TMEM38B: variants seen among roughly 807,000 people sequenced by gnomAD.
The protein encoded by TMEM38B is transmembrane protein 38B.
In TMEM38B, 24 loss-of-function variants were observed where a neutral mutation model predicts 28.7. The observed-to-expected ratio is 0.84, with a 90% CI of 0.61 to 1.18. The LOEUF (loss-of-function observed/expected upper bound fraction) is 1.18. Ranked by LOEUF, TMEM38B falls within the 50% of genes most tolerant of loss-of-function variation. The probability of loss-of-function intolerance (pLI) is 0.00; values close to 1 mark genes in which losing one functional copy is unlikely to be tolerated. For synonymous variants in TMEM38B, 131 were observed against 127.7 expected (o/e 1.03, Z -0.17); for missense variants, 380 against 350.9 (o/e 1.08, Z -0.66).
At chr9:105,765,149 A>G (rs1361560899) in intron 5 of TMEM38B, among the ~76,000 whole-genome samples, 1 of 152,216 alleles carries the variant, frequency 6.6e-6, no homozygotes, top group Non-Finnish European at 1.5e-5. Flanking sequence ...AGGCATTTGT[A>G]TGCTGAAACT....
chr9:105,757,594 T>C (rs528239878), intron 5 of TMEM38B, among the ~76,000 whole-genome samples: 4 of 152,164 alleles, frequency 2.6e-5, no homozygotes, highest in Non-Finnish European at 5.9e-5. Flanking sequence ...AAATAAAAAT[T>C]ATTTGAAAAA....
At chr9:105,699,649 ACTC>A (rs1381602973) in intron 1 of TMEM38B, among the ~76,000 whole-genome samples, 3 of 152,186 alleles carry the variant, frequency 2.0e-5, no homozygotes, top group Admixed American at 6.5e-5. Flanking sequence ...GAAAGATAAT[ACTC>A]CTCCAGCCTT....
At chr9:105,760,816 G>A (rs1838015655) in intron 5 of TMEM38B, 3 of 733,184 alleles carry the variant, frequency 4.1e-6, no homozygotes, top group Non-Finnish European at 6.6e-6. Context: ...ATCTGAGAAT[G>A]TAGCTAATCA....
chr9:105,759,250 T>C (rs1244333057), intron 5 of TMEM38B: 2 of 718,806 alleles, frequency 2.8e-6, no homozygotes, highest in African/African-American at 3.5e-5. Flanking sequence ...TGTGGCTATG[T>C]CATAGTTTCA....
At chr9:105,719,518 ATGTTT>A (rs1836244525) in intron 2 of TMEM38B, among the ~76,000 whole-genome samples, 1 of 152,152 alleles carries the variant, frequency 6.6e-6, no homozygotes, top group African/African-American at 2.4e-5. Flanking sequence ...TTGGTCTGAT[ATGTTT>A]ACTTGTAAGT....
intron 4 of TMEM38B, among the ~76,000 whole-genome samples, chr9:105,745,964 T>C (rs1247236394): frequency 6.6e-6 from 1 of 152,204 alleles, no homozygotes; most frequent in East Asian, 1.9e-4. Flanking sequence ...ACCAGTACCA[T>C]GCTGTTTTGG....
Position 105,721,639 on chromosome 9 carries a change from G to A in TMEM38B, c.372G>A (p.Trp124Ter). 6.2e-7 allele frequency: 1 copy of A among 1,613,656 alleles called. No homozygotes were observed. Among genetic ancestry groups the A allele is most frequent in the Non-Finnish European group, 8.5e-7 (1 of 1,179,712 alleles). ...ASGMKEVTRT[W>*]KIVGGVTHAN... ...GAATGAAGGAAGTGACCAGAACTTG[G>A]AAAATAGTAGGTGGAGTCACACATG... The change falls in exon 3 of 6, where the codon TGG becomes TGA. Residue 124 changes from tryptophan to a stop codon, truncating the protein, a stop_gained. Transcript: ENST00000374692. LOFTEE classifies it high-confidence loss of function.
rs532293132 is a variant in TMEM38B at position 105,746,689 on chromosome 9, A to G, written c.543-1384A>G. Among the ~76,000 whole-genome samples the G allele has an allele frequency of 1.1e-4, 16 of 152,282 alleles. No homozygotes were observed. The East Asian group carries it at 2.7e-3, about 26-fold the overall frequency. On this transcript the variant is annotated intron_variant, in intron 4 of 5. Transcript: ENST00000374692. ...CAGGGAATGCTTCCAGTTTTTGCCC[A>G]TTCAGTATGATATTGGCTGTGGGTT...
At chr9:105,710,187 C>T (rs1314004795) in intron 2 of TMEM38B, 1 of 436,654 alleles carries the variant, frequency 2.3e-6, no homozygotes, top group South Asian at 2.8e-5. Flanking sequence ...TCCACACACC[C>T]CTTTGTCACT....
rs191470183 is a variant in TMEM38B, at chr9:105,758,443, A to G, written c.660+10253A>G. The G allele has an allele frequency of 2.8e-3, 3,919 of 1,385,264 alleles. 79 individuals are homozygous for G. The highest frequency in any genetic ancestry group is 7.3e-4 in the Non-Finnish European group (712 of 971,690). The allele number at this position is 1,385,264 out of a possible 1,614,324, so 85.8% of individuals were successfully genotyped here. ...AAACACAGACAACACTTTAAAAAAT[A>G]TGGCAGTTGTTTCACAGCAGGAGAA... On this transcript the variant is annotated intron_variant, in intron 5 of 5. Coordinates refer to ENST00000374692, the MANE Select transcript of TMEM38B (RefSeq NM_018112.3).
chr9:105,705,777 A>T lies in TMEM38B; in HGVS notation c.269+24A>T, dbSNP rs760165353. 1.6e-5 allele frequency: 26 copies of T among 1,596,312 alleles called. No individual in the cohort carries two copies. The African/African-American group carries it at 2.8e-4, about 17-fold the overall frequency. On this transcript the variant is annotated intron_variant, in intron 2 of 5. Transcript: ENST00000374692. ...TGGTAAGCTGCCAGTATGGTGACCT[A>T]TGTGACATTTAAACAATTGTGTTGT...
chr9:105,774,283 A>T lies in TMEM38B; in HGVS notation c.*203A>T, dbSNP rs75968754. ...AGTGTTACGAGTGTATCATGTGATT[A>T]TGCTTTACCGGTATAAGAGATTCTG... On this transcript the variant is annotated 3_prime_UTR_variant, in exon 6 of 6. Coordinates refer to ENST00000374692, the MANE Select transcript of TMEM38B (RefSeq NM_018112.3). The T allele has an allele frequency of 6.3e-3, 3,128 of 493,884 alleles. 79 individuals carry two copies. Among genetic ancestry groups the T allele is most frequent in the Admixed American group, 0.054 (1,450 of 26,864 alleles). 30.6% of individuals were successfully genotyped at this position (493,884 alleles called of 1,614,324 possible). A position where few individuals can be genotyped will look rare whatever the true frequency, so the allele number is the denominator to read the frequency against.
intron 5 of TMEM38B, among the ~76,000 whole-genome samples, chr9:105,752,067 A>T (rs1246979072): frequency 6.6e-6 from 1 of 152,196 alleles, no homozygotes; most frequent in Non-Finnish European, 1.5e-5. Flanking sequence ...CTGCTTTGCT[A>T]GATCATTACC....
At chr9:105,735,450 T>C (rs1442818819) in intron 4 of TMEM38B, among the ~76,000 whole-genome samples, 1 of 152,252 alleles carries the variant, frequency 6.6e-6, no homozygotes, top group Non-Finnish European at 1.5e-5. Flanking sequence ...GTGGCACTCT[T>C]AAGCATTTCT....
In TMEM38B at chr9:105,774,145, AT is replaced by A. The variant is rs11330639; in HGVS notation, c.*70del. 0.12 allele frequency: 162,143 copies of A among 1,327,502 alleles called. 16,745 individuals are homozygous for A. The highest frequency in any genetic ancestry group is 0.43 in the African/African-American group (28,667 of 66,832). 82.2% of individuals were successfully genotyped at this position (1,327,502 alleles called of 1,614,324 possible). Reference sequence around the variant, plus strand: ...CTTATCTACCTGTTATATTGTGCTAATTTTTCTATGTATGTGATGTGAAATG... The same window carrying A: ...CTTATCTACCTGTTATATTGTGCTAATTTTCTATGTATGTGATGTGAAATG... On this transcript the variant is annotated 3_prime_UTR_variant, in exon 6 of 6. Coordinates refer to ENST00000374692, the MANE Select transcript of TMEM38B (RefSeq NM_018112.3).
chr9:105,736,482 T>G (rs1836985061), intron 4 of TMEM38B, among the ~76,000 whole-genome samples: 1 of 152,216 alleles, frequency 6.6e-6, no homozygotes, highest in Admixed American at 6.5e-5. Flanking sequence ...CTGTTGAGCT[T>G]CTCATTCAGA....
chr9:105,756,002 T>C (rs1053371980), intron 5 of TMEM38B, among the ~76,000 whole-genome samples: 2 of 152,108 alleles, frequency 1.3e-5, no homozygotes, highest in Non-Finnish European at 2.9e-5. Flanking sequence ...AGGCCAAGGT[T>C]GGCAGATCTC....
chr9:105,759,413 T>G, intron 5 of TMEM38B: 9 of 1,550,216 alleles, frequency 5.8e-6, no homozygotes, highest in Non-Finnish European at 7.9e-6. Context: ...AGACTACGGA[T>G]AAGCAATCCA....
intron 4 of TMEM38B, among the ~76,000 whole-genome samples, chr9:105,740,858 C>G (rs1837177381): frequency 1.3e-5 from 2 of 152,156 alleles, no homozygotes; most frequent in South Asian, 2.1e-4. Context: ...CAGTATATTT[C>G]TATATTTTTC....
Sources: allele counts gnomAD v4.1 joint callset (sites outside exome capture counted in the v4.1 genomes callset), GRCh38; gene constraint gnomAD v4.1.1; transcripts MANE v1.5; gene names NCBI Gene and HGNC (gene_info 2026-07-23, HGNC 2026-07-21).